The following TRIM24 variants were observed in gnomAD, a reference collection of about 807,000 sequenced individuals.
TRIM24 encodes the protein transcription intermediary factor 1-alpha.
In TRIM24, 29 loss-of-function variants were observed where a neutral mutation model predicts 123.9. The ratio of observed to expected loss-of-function variants is 0.23; its 90% confidence interval spans 0.17 to 0.32. The LOEUF is 0.32. Among genes scored for constraint, TRIM24 ranks in the 10% least tolerant of loss-of-function variants. TRIM24 has a pLI of 1.00. For synonymous variants in TRIM24, 456 were observed against 461.1 expected (o/e 0.99, Z 0.14); for missense variants, 932 against 1,295.3 (o/e 0.72, Z 4.31).
chr7:138,463,970 G>A (rs1474431492), intron 1 of TRIM24, among the ~76,000 whole-genome samples: 1 of 117,624 alleles, frequency 8.5e-6, no homozygotes, highest in African/African-American at 3.2e-5. Context: ...TTTAATACTA[G>A]CTGAAGCAAA....
chr7:138,544,877 A>G (rs1209411673), intron 7 of TRIM24, among the ~76,000 whole-genome samples: 3 of 152,186 alleles, frequency 2.0e-5, no homozygotes, highest in Admixed American at 6.5e-5. Flanking sequence ...GGTTTTTGCT[A>G]TTGAGTTGTG....
At chr7:138,573,914 T>C (rs990371893) in intron 12 of TRIM24, among the ~76,000 whole-genome samples, 9 of 152,156 alleles carry the variant, frequency 5.9e-5, no homozygotes, top group African/African-American at 2.2e-4. Context: ...ATCTCCCACC[T>C]CAGCCTCCTG....
chr7:138,570,947 AT>A lies in TRIM24; in HGVS notation c.1823del (p.Met608ArgfsTer4). 6.2e-7 allele frequency: 1 copy of A among 1,614,048 alleles called. No individual in the cohort carries two copies. The highest frequency in any genetic ancestry group is 8.5e-7 in the Non-Finnish European group (1 of 1,179,982). On this transcript the variant is annotated frameshift_variant, in exon 11 of 19. Coordinates refer to ENST00000343526, the MANE Select transcript of TRIM24 (RefSeq NM_015905.3). LOFTEE classifies it high-confidence loss of function. Reference sequence around the variant, plus strand: ...TGATGGAAAGGCTTTTGGTTCACCTATGATCGATTTGAGCTCACCAGTGGGA... The same window carrying A: ...TGATGGAAAGGCTTTTGGTTCACCTAGATCGATTTGAGCTCACCAGTGGGA... ...GYDGKAFGSP[M>X]IDLSSPVGGS...
At chr7:138,493,460 T>G (rs989389627) in intron 1 of TRIM24, among the ~76,000 whole-genome samples, 12 of 152,234 alleles carry the variant, frequency 7.9e-5, no homozygotes, top group African/African-American at 2.9e-4. Flanking sequence ...TTGCGAAGTC[T>G]TTGTTCCTTG....
chr7:138,537,913 C>A (rs1796927520), intron 6 of TRIM24, among the ~76,000 whole-genome samples: 1 of 152,170 alleles, frequency 6.6e-6, no homozygotes. Flanking sequence ...GTCCTGTTTT[C>A]CTCCTTTTTC....
intron 9 of TRIM24, among the ~76,000 whole-genome samples, chr7:138,565,996 G>A (rs890319272): frequency 3.3e-5 from 5 of 152,182 alleles, no homozygotes; most frequent in African/African-American, 7.2e-5. Flanking sequence ...TGCTCTGAGG[G>A]GGTGTTGGGA....
intron 3 of TRIM24, among the ~76,000 whole-genome samples, chr7:138,517,594 G>A (rs1039779735): frequency 6.6e-6 from 1 of 151,956 alleles, no homozygotes; most frequent in Non-Finnish European, 1.5e-5. Context: ...GGCTGGTCTC[G>A]AACTCCTGAC....
intron 10 of TRIM24, 89 bp from the exon 11 acceptor site, chr7:138,570,741 T>C: frequency 7.2e-7 from 1 of 1,379,420 alleles, no homozygotes; most frequent in Non-Finnish European, 1.0e-6. Flanking sequence ...AGTTGAACTC[T>C]TCTACTTCAT....
chr7:138,583,526 G>A (rs778142016), intron 17 of TRIM24, among the ~76,000 whole-genome samples: 32 of 152,170 alleles, frequency 2.1e-4, no homozygotes, highest in Non-Finnish European at 3.1e-4. Context: ...AGGCTGAGGT[G>A]AGAGGATCAC....
chr7:138,487,705 T>A (rs138850840), intron 1 of TRIM24, among the ~76,000 whole-genome samples: 211 of 152,260 alleles, frequency 1.4e-3, no homozygotes, highest in African/African-American at 4.7e-3. Flanking sequence ...CCACTTGATC[T>A]TGGTGAATAA....
chr7:138,531,741 A>C lies in TRIM24; in HGVS notation c.996+2511A>C, dbSNP rs547805812. Among the ~76,000 whole-genome samples the C allele has an allele frequency of 3.1e-3, 479 of 152,220 alleles. 2 individuals are homozygous for C. The highest frequency in any genetic ancestry group is 0.011 in the African/African-American group (457 of 41,544). ...CCTTTGGGTATATACCCAGTAATGG[A>C]ATGGCTGGGTCAAATGGTATTTCTA... On this transcript the variant is annotated intron_variant, in intron 6 of 18. Transcript: ENST00000343526.
intron 5 of TRIM24, among the ~76,000 whole-genome samples, chr7:138,527,998 G>A (rs1214263773): frequency 6.6e-6 from 1 of 152,200 alleles, no homozygotes; most frequent in African/African-American, 2.4e-5. Flanking sequence ...GTGAAGCATA[G>A]TGGTGTGAAA....
In TRIM24 at chr7:138,535,953, C is replaced by T. The variant is rs150173084; in HGVS notation, c.997-2704C>T. Among the ~76,000 whole-genome samples the T allele has an allele frequency of 4.9e-3, 744 of 152,194 alleles. 3 individuals carry two copies. The highest frequency in any genetic ancestry group is 0.017 in the African/African-American group (716 of 41,518). ...TTTCTCTAAACTTCTCTTCTTGCTT[C>T]GTTTCATTCATTTGATCTTCAATCA... On this transcript the variant is annotated intron_variant, in intron 6 of 18. Transcript: ENST00000343526.
intron 1 of TRIM24, among the ~76,000 whole-genome samples, chr7:138,469,331 A>ATTTTTTTTTTTTTTTTTT (rs1051563303): frequency 7.3e-6 from 1 of 137,228 alleles, no homozygotes. Context: ...CCCTTTCTCA[A>ATTTTTTTTTTTTTTTTTT]TTTTTTTTTT....
At position 138,577,331 on chromosome 7, in the gene TRIM24, C is replaced by G. The variant is rs941027185; in HGVS notation, c.2088-89C>G. On this transcript the variant is annotated intron_variant, in intron 13 of 18. Transcript: ENST00000343526. Reference sequence around the variant, plus strand: ...TAACATACTTATTGTTGTGAAGATACAGTATTTTAGAAAGTTGTTGTTATA... The same window carrying G: ...TAACATACTTATTGTTGTGAAGATAGAGTATTTTAGAAAGTTGTTGTTATA... 7 of 1,035,220 alleles carry G rather than the reference C, an allele frequency of 6.8e-6. No homozygotes were observed. The South Asian group carries it at 7.0e-5, about 10-fold the overall frequency. 64.1% of individuals were successfully genotyped at this position (1,035,220 alleles called of 1,614,324 possible).
At chr7:138,535,588 G>A (rs1796851904) in intron 6 of TRIM24, among the ~76,000 whole-genome samples, 1 of 152,194 alleles carries the variant, frequency 6.6e-6, no homozygotes, top group Admixed American at 6.5e-5. Flanking sequence ...GAGATCCACT[G>A]TTAGTCTGAT....
intron 12 of TRIM24, among the ~76,000 whole-genome samples, chr7:138,575,420 G>A (rs1797735975): frequency 6.6e-6 from 1 of 150,612 alleles, no homozygotes; most frequent in Non-Finnish European, 1.5e-5. Context: ...AGCCTTCCCA[G>A]TAGTGGGGAC....
intron 1 of TRIM24, among the ~76,000 whole-genome samples, chr7:138,486,971 C>T (rs1201894974): frequency 7.2e-5 from 11 of 152,188 alleles, no homozygotes; most frequent in Non-Finnish European, 1.3e-4. Context: ...TATCCATGAG[C>T]CTGGAATGTT....
intron 4 of TRIM24, among the ~76,000 whole-genome samples, chr7:138,520,266 A>G (rs537109023): frequency 6.6e-6 from 1 of 152,330 alleles, no homozygotes; most frequent in East Asian, 1.9e-4. Flanking sequence ...AGTCTGCACT[A>G]TTATAGTAAA....
Sources: gnomAD v4.1 joint callset for allele counts (sites outside exome capture counted in the v4.1 genomes callset) on GRCh38, gnomAD v4.1.1 for gene constraint, MANE v1.5 for transcripts, NCBI Gene and HGNC (gene_info 2026-07-23, HGNC 2026-07-21) for gene names.